The following STOX2 variants were observed in gnomAD, a reference collection of about 807,000 sequenced individuals.
STOX2 encodes the protein storkhead-box protein 2.
In STOX2, 28 loss-of-function variants were observed where a neutral mutation model predicts 60.9. The observed-to-expected ratio is 0.46, with a 90% CI of 0.34 to 0.63. The LOEUF (loss-of-function observed/expected upper bound fraction) is 0.63, where lower values mean the gene tolerates loss of function less well. STOX2 is among the 30% of genes least tolerant of loss of function. The pLI, the probability that STOX2 is intolerant of heterozygous loss-of-function variation, is 0.01. For synonymous variants in STOX2, 472 were observed against 463.9 expected (o/e 1.02, Z -0.22); for missense variants, 1,024 against 1,187.7 (o/e 0.86, Z 2.03).
intron 1 of STOX2, among the ~76,000 whole-genome samples, chr4:183,872,425 G>A (rs900677835): frequency 3.9e-5 from 6 of 152,070 alleles, no homozygotes; most frequent in Admixed American, 3.9e-4. Context: ...GGATTATATT[G>A]CTGCATAGAC....
At chr4:183,922,804 C>T (rs1346397449) in intron 1 of STOX2, among the ~76,000 whole-genome samples, 1 of 152,188 alleles carries the variant, frequency 6.6e-6, no homozygotes, top group African/African-American at 2.4e-5. Flanking sequence ...CCTCCCTACC[C>T]TCATCCCCTG....
At position 183,906,906 on chromosome 4, in the gene STOX2, G is replaced by T; in HGVS notation, c.116G>T (p.Arg39Leu). 6.5e-7 allele frequency: 1 copy of T among 1,550,238 alleles called. No homozygotes were observed. The highest frequency in any genetic ancestry group is 8.7e-7 in the Non-Finnish European group (1 of 1,146,178). Residue 39 changes from arginine (R) to leucine (L), a missense_variant, in exon 1 of 4, where the codon CGT becomes CTT. Physicochemically the swap from Arg to Leu is moderately radical, Grantham distance 102. This residue lies in a region of STOX2 where 98 missense variants were observed against 110.2 expected (regional missense o/e 0.89). Transcript: ENST00000308497. Reference protein sequence around the residue: ...RSEKDYRLHKRFPAAFAPQAS... With the variant: ...RSEKDYRLHKLFPAAFAPQAS... ...GAGAAGGACTACCGCCTGCACAAGC[G>T]TTTCCCCGCGGCCTTCGCGCCCCAG...
intron 1 of STOX2, among the ~76,000 whole-genome samples, chr4:183,991,351 G>C (rs1733095703): frequency 6.6e-6 from 1 of 152,010 alleles, no homozygotes. Flanking sequence ...TTATTTTTAG[G>C]TACAAACAAA....
chr4:183,911,569 C>T (rs1741783001), intron 1 of STOX2, among the ~76,000 whole-genome samples: 1 of 152,154 alleles, frequency 6.6e-6, no homozygotes, highest in East Asian at 1.9e-4. Context: ...AAGGTCACCT[C>T]TCTTGATATT....
At chr4:183,981,664 G>A (rs966015259) in intron 1 of STOX2, among the ~76,000 whole-genome samples, 9 of 152,004 alleles carry the variant, frequency 5.9e-5, no homozygotes, top group African/African-American at 2.2e-4. Context: ...TTTTCCTTAC[G>A]TGTCTTCTTT....
chr4:183,817,480 C>T (rs188429528), intron 1 of STOX2, among the ~76,000 whole-genome samples: 2 of 152,250 alleles, frequency 1.3e-5, no homozygotes, highest in East Asian at 3.9e-4. Context: ...ATTGTTTGTA[C>T]TTAAGAAAAG....
chr4:183,859,997 G>A (rs530168154), intron 1 of STOX2, among the ~76,000 whole-genome samples: 20 of 152,124 alleles, frequency 1.3e-4, no homozygotes, highest in South Asian at 1.0e-3. Context: ...GTATTTGTTA[G>A]TATATTAAAA....
chr4:184,000,563 C>T (rs927570483), intron 1 of STOX2, among the ~76,000 whole-genome samples: 5 of 152,194 alleles, frequency 3.3e-5, no homozygotes, highest in African/African-American at 9.7e-5. Context: ...TATTCATGGT[C>T]GTCCCTACCT....
At chr4:183,914,318 G>C (rs1741868445) in intron 1 of STOX2, among the ~76,000 whole-genome samples, 1 of 152,040 alleles carries the variant, frequency 6.6e-6, no homozygotes. Flanking sequence ...TGTGCCTGTA[G>C]TCCCAGCTAC....
At chr4:183,840,629 T>C (rs1207014669) in intron 1 of STOX2, among the ~76,000 whole-genome samples, 1 of 152,246 alleles carries the variant, frequency 6.6e-6, no homozygotes, top group African/African-American at 2.4e-5. Context: ...CTCGGTCTCC[T>C]AGAAATCCTT....
At chr4:183,845,937 A>G (rs889862669) in intron 1 of STOX2, among the ~76,000 whole-genome samples, 4 of 152,270 alleles carry the variant, frequency 2.6e-5, no homozygotes, top group Admixed American at 2.6e-4. Flanking sequence ...TGCATATTGA[A>G]TTATTGTCTA....
At chr4:183,883,615 C>A (rs1407147368) in intron 1 of STOX2, among the ~76,000 whole-genome samples, 1 of 151,944 alleles carries the variant, frequency 6.6e-6, no homozygotes, top group East Asian at 1.9e-4. Flanking sequence ...CGCGCCTGGC[C>A]GACCTGTTAT....
In STOX2 at chr4:184,011,008, C is replaced by G; in HGVS notation, c.2170C>G (p.Leu724Val). The change falls in exon 3 of 4, where the codon CTC (leucine) becomes GTC (valine). Residue 724 changes from leucine (L) to valine (V), a missense_variant. Transcript: ENST00000308497. The surrounding 1 kb of genome is among the most constrained non-coding windows in gnomAD (Gnocchi z 4.4). The part of the protein sequence containing the change: ...NSYHKSSLSL[L>V]KSHPKTPADT... ...CTATCACAAGTCGAGCCTGTCCCTC[C>G]TCAAATCTCACCCGAAGACACCTGC... 1 of 1,613,440 alleles carries G rather than the reference C, an allele frequency of 6.2e-7. No homozygotes were observed. The highest frequency in any genetic ancestry group is 8.5e-7 in the Non-Finnish European group (1 of 1,179,642).
At position 183,890,499 on chromosome 4, in the gene STOX2, A is replaced by AG. The variant is rs141289727; in HGVS notation, c.364+92444_364+92445insG. Among the ~76,000 whole-genome samples, 609 of 124,896 alleles carry AG rather than the reference A, an allele frequency of 4.9e-3. 22 individuals carry two copies. The highest frequency in any genetic ancestry group is 7.2e-3 in the Non-Finnish European group (449 of 62,412). The allele number at this position is 124,896 out of a possible 152,430, so 81.9% of individuals were successfully genotyped here. A position where few individuals can be genotyped will look rare whatever the true frequency, so the allele number is the denominator to read the frequency against. On this transcript the variant is annotated intron_variant, in intron 1 of 2. Transcript: ENST00000513034. ...CTCCGTCTCAAAAAAAAAAAAAAAA[A>AG]CAGCAACAGAAGAAAGAGGGACAGG...
At chr4:183,828,523 G>GTC (rs1260689747) in intron 1 of STOX2, among the ~76,000 whole-genome samples, 1 of 152,066 alleles carries the variant, frequency 6.6e-6, no homozygotes, top group Non-Finnish European at 1.5e-5. Context: ...AAAAAAAATG[G>GTC]TCAGGAACTT....
intron 1 of STOX2, among the ~76,000 whole-genome samples, chr4:183,840,954 G>A (rs544871204): frequency 1.3e-5 from 2 of 152,152 alleles, no homozygotes; most frequent in African/African-American, 4.8e-5. Context: ...TGCAATCTCC[G>A]CCTCCTGGGC....
At chr4:183,928,638 G>A (rs150881943) in intron 1 of STOX2, among the ~76,000 whole-genome samples, 11 of 152,106 alleles carry the variant, frequency 7.2e-5, no homozygotes, top group Middle Eastern at 3.4e-3. Context: ...CCAGTGAGCC[G>A]GCCGAGCCTG....
Position 183,906,864 on chromosome 4 carries a change from G to T in STOX2, c.74G>T (p.Arg25Leu). The part of the protein sequence containing the change: ...SSDFSDRASD[R>L]MRSRSEKDYR... ...GATTTCTCGGACCGGGCCTCGGACC[G>T]CATGAGGTCCCGCAGCGAGAAGGAC... Residue 25 changes from arginine to leucine, a missense_variant, in exon 1 of 4, where the codon CGC (arginine) becomes CTC (leucine). This residue lies in a region of STOX2 where 98 missense variants were observed against 110.2 expected (regional missense o/e 0.89). Coordinates refer to ENST00000308497, the MANE Select transcript of STOX2 (RefSeq NM_020225.3). 3 of 1,552,074 alleles carry T rather than the reference G, an allele frequency of 1.9e-6. No homozygotes were observed. The highest frequency in any genetic ancestry group is 2.6e-6 in the Non-Finnish European group (3 of 1,147,392).
intron 1 of STOX2, among the ~76,000 whole-genome samples, chr4:183,826,349 C>T (rs535218904): frequency 1.1e-3 from 165 of 152,268 alleles, no homozygotes; most frequent in African/African-American, 3.7e-3. Context: ...CGAACCTGTT[C>T]CCCTGAGAAT....
Sources: allele counts gnomAD v4.1 joint callset (sites outside exome capture counted in the v4.1 genomes callset), GRCh38; gene constraint gnomAD v4.1.1; regional missense constraint gnomAD v4.1.1; non-coding constraint Gnocchi (gnomAD v3.1); transcripts MANE v1.5; gene names NCBI Gene and HGNC (gene_info 2026-07-23, HGNC 2026-07-21).